Variants in IL1RAPL1 observed in about 807,000 individuals in gnomAD.
IL1RAPL1 encodes interleukin 1 receptor accessory protein like 1.
A neutral mutation model predicts 48.4 loss-of-function variants in IL1RAPL1; 3 were observed. The observed-to-expected ratio is 0.06, with a 90% confidence interval of 0.03 to 0.16. IL1RAPL1 has a LOEUF of 0.16. IL1RAPL1 is among the 10% of genes least tolerant of loss of function. The pLI is 1.00. For missense variants in IL1RAPL1, 349 were observed against 530.6 expected, an observed-to-expected ratio of 0.66 and a Z score of 3.36; for synonymous variants, 185 against 187.7, an observed-to-expected ratio of 0.99 and a Z score of 0.12.
chrX:29,549,027 A>G (rs5972384), intron 5 of IL1RAPL1, among the ~76,000 whole-genome samples: 6,365 of 111,438 alleles, frequency 0.057, 210 homozygotes, highest in African/African-American at 0.12. Context: ...TGTCTATTGG[A>G]ATTCTTGGCG....
At position 29,803,521 on chromosome X, in the gene IL1RAPL1, ATG is replaced by A. The variant is rs1007395031; in HGVS notation, c.779-113941_779-113940del. 3.0e-4 allele frequency among the ~76,000 whole-genome samples: 30 copies of A among 99,265 alleles called. 1 individual carries two copies. The highest frequency in any genetic ancestry group is 2.6e-4 in the Non-Finnish European group (13 of 49,439). 86.2% of individuals were successfully genotyped at this position (99,265 alleles called of 115,157 possible). A position where few individuals can be genotyped will look rare whatever the true frequency, so the allele number is the denominator to read the frequency against. On this transcript the variant is annotated intron_variant, in intron 6 of 10. Coordinates refer to ENST00000378993, the MANE Select transcript of IL1RAPL1 (RefSeq NM_014271.4). ...TATACATATGTGTATATATGTATAT[ATG>A]TATATATGTATACATATATGTATAT...
chrX:29,264,343 A>G (rs1016471665), intron 2 of IL1RAPL1, among the ~76,000 whole-genome samples: 2 of 111,202 alleles, frequency 1.8e-5, no homozygotes, highest in African/African-American at 6.5e-5. Flanking sequence ...GTGTGTTGAC[A>G]TTTTTTGTGC....
Position 29,283,037 on chromosome X carries a change from G to A in IL1RAPL1, c.182G>A (p.Arg61Lys). Residue 61 changes from arginine (R) to lysine (K), a missense_variant, in exon 3 of 11, where the codon AGA (arginine) becomes AAA (lysine). By Grantham distance (26) the Arg-to-Lys change is conservative (BLOSUM62 2). Coordinates refer to ENST00000378993, the MANE Select transcript of IL1RAPL1 (RefSeq NM_014271.4). ...IKCALFYGYI[R>K]TNYSLAQSAG... Reference sequence around the variant, plus strand: ...TGTGCACTCTTTTATGGTTATATCAGAACAAATTACTCCCTTGCCCAAAGT... The same window carrying A: ...TGTGCACTCTTTTATGGTTATATCAAAACAAATTACTCCCTTGCCCAAAGT... The A allele has an allele frequency of 8.3e-7, 1 of 1,211,362 alleles. No individual in the cohort carries two copies. The highest frequency in any genetic ancestry group is 1.8e-5 in the South Asian group (1 of 56,988).
chrX:29,879,878 G>T (rs755275572), intron 6 of IL1RAPL1, among the ~76,000 whole-genome samples: 1 of 110,648 alleles, frequency 9.0e-6, no homozygotes, highest in Non-Finnish European at 1.9e-5. Context: ...GACAAGTTCC[G>T]TAAGTGTAAA....
intron 5 of IL1RAPL1, among the ~76,000 whole-genome samples, chrX:29,543,115 T>TTCTCTCTCTC (rs59836290): frequency 0.043 from 3,899 of 91,600 alleles, 83 homozygotes; most frequent in Middle Eastern, 0.051. Context: ...ATCTGTTCGT[T>TTCTCTCTCTC]TCTCTCTCTC....
chrX:29,307,128 CTG>C (rs965284603), intron 3 of IL1RAPL1, among the ~76,000 whole-genome samples: 2 of 111,215 alleles, frequency 1.8e-5, no homozygotes, highest in African/African-American at 6.5e-5. Flanking sequence ...GTACTGGTGT[CTG>C]TGCTATTCAA....
At chrX:29,264,878 A>C (rs1230647890) in intron 2 of IL1RAPL1, among the ~76,000 whole-genome samples, 1 of 110,619 alleles carries the variant, frequency 9.0e-6, no homozygotes, top group Non-Finnish European at 1.9e-5. Flanking sequence ...TGGTTTCATT[A>C]ATTTTCTTTA....
intron 6 of IL1RAPL1, among the ~76,000 whole-genome samples, chrX:29,800,400 A>T (rs1287578493): frequency 1.8e-5 from 2 of 110,719 alleles, no homozygotes; most frequent in East Asian, 5.7e-4. Flanking sequence ...TGATTCAATT[A>T]TCTAACTTAA....
chrX:29,944,926 G>A (rs755537257), intron 9 of IL1RAPL1, among the ~76,000 whole-genome samples: 2 of 109,388 alleles, frequency 1.8e-5, no homozygotes, highest in South Asian at 7.9e-4. Flanking sequence ...CCATAAACTC[G>A]GCTACACGCA....
chrX:28,874,031 A>G (rs779853723), intron 2 of IL1RAPL1, among the ~76,000 whole-genome samples: 1 of 109,963 alleles, frequency 9.1e-6, no homozygotes, highest in Non-Finnish European at 1.9e-5. Context: ...AAGAAGTCAT[A>G]TAGTTTAAGG....
intron 1 of IL1RAPL1, among the ~76,000 whole-genome samples, chrX:28,750,457 A>G (rs1165628759): frequency 9.0e-6 from 1 of 111,615 alleles, no homozygotes; most frequent in Non-Finnish European, 1.9e-5. Flanking sequence ...TCTTCCATTT[A>G]TAGTATGAGA....
intron 2 of IL1RAPL1, among the ~76,000 whole-genome samples, chrX:29,157,634 T>C (rs1929594616): frequency 9.0e-6 from 1 of 111,238 alleles, no homozygotes; most frequent in South Asian, 3.8e-4. Context: ...TCTTTCTTGA[T>C]AGCATAGCAG....
Position 29,431,334 on chromosome X carries a change from AATATTGCAAATAAATAGTC to A in IL1RAPL1, c.703+32030_703+32048del, listed in dbSNP as rs778908338. ...ACCATGCTAATAAAAAAGCACATAG[AATATTGCAAATAAATAGTC>A]ATAGTGAGCTAAGAACTACATGGAA... On this transcript the variant is annotated intron_variant, in intron 5 of 10. Transcript: ENST00000378993. Among the ~76,000 whole-genome samples, 585 of 111,978 alleles carry A rather than the reference AATATTGCAAATAAATAGTC, an allele frequency of 5.2e-3. 4 individuals carry two copies. The highest frequency in any genetic ancestry group is 0.018 in the African/African-American group (556 of 30,890).
At chrX:29,651,568 C>T (rs913452942) in intron 5 of IL1RAPL1, among the ~76,000 whole-genome samples, 1 of 111,539 alleles carries the variant, frequency 9.0e-6, no homozygotes, top group South Asian at 3.7e-4. Flanking sequence ...ATCTAAAAAA[C>T]TCATCTCAAA....
At chrX:28,867,804 A>G (rs1332861899) in intron 2 of IL1RAPL1, among the ~76,000 whole-genome samples, 2 of 111,450 alleles carry the variant, frequency 1.8e-5, no homozygotes, top group African/African-American at 6.5e-5. Context: ...TCCTTTAGTA[A>G]CAAATTTCAC....
At chrX:28,819,345 A>T (rs1439995328) in intron 2 of IL1RAPL1, among the ~76,000 whole-genome samples, 1 of 111,244 alleles carries the variant, frequency 9.0e-6, no homozygotes, top group Non-Finnish European at 1.9e-5. Context: ...TATATGGAGC[A>T]AGCTAATTAA....
At chrX:29,122,396 T>TTCTC (rs1297656764) in intron 2 of IL1RAPL1, among the ~76,000 whole-genome samples, 30 of 71,351 alleles carry the variant, frequency 4.2e-4, no homozygotes, top group South Asian at 1.7e-3. Flanking sequence ...CTCTCTCTCT[T>TTCTC]TCTCTCTCTC....
chrX:29,834,729 C>T lies in IL1RAPL1; in HGVS notation c.779-82735C>T, dbSNP rs180876633. Among the ~76,000 whole-genome samples, 3 of 111,723 alleles carry T rather than the reference C, an allele frequency of 2.7e-5. No individual in the cohort carries two copies. The Admixed American group carries it at 2.8e-4, about 11-fold the overall frequency. On this transcript the variant is annotated intron_variant, in intron 6 of 10. Coordinates refer to ENST00000378993, the MANE Select transcript of IL1RAPL1 (RefSeq NM_014271.4). ...TTTTGAATATCCTCCATTCATGCTACATGACTGGTTAAGCAAAACTGTGCT... is the reference window on the plus strand; with the variant it reads ...TTTTGAATATCCTCCATTCATGCTATATGACTGGTTAAGCAAAACTGTGCT...
At position 29,056,938 on chromosome X, in the gene IL1RAPL1, A is replaced by T. The variant is rs372898208; in HGVS notation, c.83-226000A>T. On this transcript the variant is annotated intron_variant, in intron 2 of 10. Transcript: ENST00000378993. The stretch of plus-strand genomic sequence containing the variant: ...ATGAAATTAACACATTAACTATTTC[A>T]AGCAAATAAGATCCACTTACATAAA... 3.6e-4 allele frequency among the ~76,000 whole-genome samples: 40 copies of T among 112,324 alleles called. No individual in the cohort carries two copies. The East Asian group carries it at 3.6e-3, about 10-fold the overall frequency.
Sources: gnomAD v4.1 joint callset for allele counts (sites outside exome capture counted in the v4.1 genomes callset) on GRCh38, gnomAD v4.1.1 for gene constraint, MANE v1.5 for transcripts, NCBI Gene and HGNC (gene_info 2026-07-23, HGNC 2026-07-21) for gene names.